Variants in PPM1H observed in about 807,000 individuals in gnomAD.
The protein encoded by PPM1H is protein phosphatase 1H.
In PPM1H, 27 loss-of-function variants were observed where a neutral mutation model predicts 54.9. The observed-to-expected ratio is 0.49, with a 90% CI of 0.36 to 0.68. PPM1H has a LOEUF of 0.68. Ranked by LOEUF, PPM1H falls within the 30% of genes least tolerant of loss-of-function variation. PPM1H has a pLI of 0.00. For missense variants in PPM1H, 596 were observed against 667.8 expected (o/e 0.89, Z 1.19); for synonymous variants, 305 against 270.8 (o/e 1.13, Z -1.24).
intron 1 of PPM1H, among the ~76,000 whole-genome samples, chr12:62,887,578 T>C (rs1387326913): frequency 3.3e-5 from 5 of 152,346 alleles, no homozygotes; most frequent in East Asian, 1.9e-4. Flanking sequence ...AAGAATATTA[T>C]ACTGAATCAG....
At chr12:62,724,503 A>G (rs1217109600) in intron 5 of PPM1H, among the ~76,000 whole-genome samples, 5 of 152,134 alleles carry the variant, frequency 3.3e-5, no homozygotes. Flanking sequence ...GGAACTCCTC[A>G]ACAGCTTTGA....
chr12:62,790,089 GAGAATCCCAC>G (rs1430708836), intron 3 of PPM1H, among the ~76,000 whole-genome samples: 24 of 152,192 alleles, frequency 1.6e-4, no homozygotes, highest in South Asian at 6.2e-4. Flanking sequence ...TTGTAATCCT[GAGAATCCCAC>G]AGAGTTAGAG....
intron 1 of PPM1H, among the ~76,000 whole-genome samples, chr12:62,881,214 A>C (rs182894370): frequency 6.6e-6 from 1 of 152,298 alleles, no homozygotes; most frequent in Admixed American, 6.5e-5. Context: ...CTTCTCCTGA[A>C]AGTTGGTAGA....
intron 5 of PPM1H, among the ~76,000 whole-genome samples, chr12:62,736,050 G>A (rs1292221343): frequency 1.3e-5 from 2 of 152,198 alleles, no homozygotes; most frequent in African/African-American, 2.4e-5. Context: ...TAAATTGCAG[G>A]GAGCCAAAGG....
chr12:62,813,819 T>C (rs548288652), intron 2 of PPM1H, among the ~76,000 whole-genome samples: 2 of 152,332 alleles, frequency 1.3e-5, no homozygotes, highest in Admixed American at 6.5e-5. Context: ...TAGCAGGAAG[T>C]CTTTGCTCTT....
chr12:62,833,119 G>T (rs1868400676), intron 1 of PPM1H, among the ~76,000 whole-genome samples: 1 of 152,168 alleles, frequency 6.6e-6, no homozygotes, highest in African/African-American at 2.4e-5. Flanking sequence ...CCCTTAAAGA[G>T]TTCTCCTTGA....
chr12:62,858,277 G>T (rs1341005828), intron 1 of PPM1H, among the ~76,000 whole-genome samples: 1 of 152,066 alleles, frequency 6.6e-6, no homozygotes, highest in Non-Finnish European at 1.5e-5. Context: ...TGTGCTGCCT[G>T]CAGGATGTGG....
chr12:62,674,205 G>C (rs1045444640), intron 8 of PPM1H, among the ~76,000 whole-genome samples: 1 of 152,160 alleles, frequency 6.6e-6, no homozygotes, highest in African/African-American at 2.4e-5. Context: ...ATATCGTCTA[G>C]TTGGTAGAAG....
rs572956927 is a variant in PPM1H, at chr12:62,703,532, G to A, written c.1074-9533C>T. ...GCTGGTTGGGTTTGGGAGGAGGCCG[G>A]AGCACAGAAACATCTTCGGTCCCCC... On this transcript the variant is annotated intron_variant, in intron 6 of 9. Transcript: ENST00000228705. 1.3e-4 allele frequency among the ~76,000 whole-genome samples: 20 copies of A among 152,092 alleles called. 1 individual carries two copies. The highest frequency in any genetic ancestry group is 4.6e-4 in the African/African-American group (19 of 41,500).
chr12:62,892,841 CTTTAA>C (rs1415016374), intron 1 of PPM1H, among the ~76,000 whole-genome samples: 3 of 148,226 alleles, frequency 2.0e-5, no homozygotes, highest in South Asian at 2.1e-4. Flanking sequence ...GTGGATACTC[CTTTAA>C]TTTATGTAAA....
At chr12:62,823,245 A>G (rs2076915323) in intron 2 of PPM1H, among the ~76,000 whole-genome samples, 3 of 152,200 alleles carry the variant, frequency 2.0e-5, no homozygotes, top group Admixed American at 2.0e-4. Context: ...AATTGAGGCA[A>G]TAATTAACAT....
At chr12:62,842,288 A>G (rs142569231) in intron 1 of PPM1H, among the ~76,000 whole-genome samples, 1,887 of 152,344 alleles carry the variant, frequency 0.012, 14 homozygotes, top group Non-Finnish European at 0.019. Context: ...TGTTTTATTT[A>G]CCAGCTGTAT....
chr12:62,860,953 T>G (rs1478141345), intron 1 of PPM1H, among the ~76,000 whole-genome samples: 1 of 152,192 alleles, frequency 6.6e-6, no homozygotes, highest in African/African-American at 2.4e-5. Context: ...TGCATCATCT[T>G]CCTTAACACT....
At chr12:62,720,125 TCA>T in intron 6 of PPM1H, 44 bp downstream of exon 6, 2 of 1,465,464 alleles carry the variant, frequency 1.4e-6, no homozygotes. Flanking sequence ...GATGCTTCCT[TCA>T]CACACACTGT....
At chr12:62,768,612 G>A (rs1003792256) in intron 4 of PPM1H, among the ~76,000 whole-genome samples, 21 of 152,038 alleles carry the variant, frequency 1.4e-4, no homozygotes, top group Admixed American at 6.6e-4. Context: ...CCGAGATCCC[G>A]CCATTGCACT....
chr12:62,711,540 C>T (rs2076206772), intron 6 of PPM1H, among the ~76,000 whole-genome samples: 1 of 152,096 alleles, frequency 6.6e-6, no homozygotes, highest in Non-Finnish European at 1.5e-5. Flanking sequence ...ACTTGACATC[C>T]CCAAACTTCC....
intron 5 of PPM1H, among the ~76,000 whole-genome samples, chr12:62,733,057 A>G (rs2076331566): frequency 6.6e-6 from 1 of 152,168 alleles, no homozygotes; most frequent in Non-Finnish European, 1.5e-5. Flanking sequence ...ATTACCATGC[A>G]GTTACTTTTC....
At chr12:62,930,535 A>G (rs1341188481) in intron 1 of PPM1H, among the ~76,000 whole-genome samples, 1 of 152,220 alleles carries the variant, frequency 6.6e-6, no homozygotes, top group African/African-American at 2.4e-5. Context: ...CACAAATTCC[A>G]TGCCTGCTGG....
chr12:62,681,485 C>T (rs1022713803), intron 8 of PPM1H, among the ~76,000 whole-genome samples: 12 of 152,156 alleles, frequency 7.9e-5, no homozygotes, highest in African/African-American at 2.9e-4. Context: ...TTATCTACTG[C>T]CTTAGGTCCA....
Sources: gnomAD v4.1 joint callset for allele counts (sites outside exome capture counted in the v4.1 genomes callset) on GRCh38, gnomAD v4.1.1 for gene constraint, MANE v1.5 for transcripts, NCBI Gene and HGNC (gene_info 2026-07-23, HGNC 2026-07-21) for gene names.